ERN1: variants seen among roughly 807,000 people sequenced by gnomAD.
ERN1 encodes serine/threonine-protein kinase/endoribonuclease IRE1.
In ERN1, 39 loss-of-function variants were observed where a neutral mutation model predicts 113.1. That is an observed-to-expected ratio of 0.34 (90% CI 0.27 to 0.45). The LOEUF (loss-of-function observed/expected upper bound fraction) is 0.45. ERN1 is among the 20% of genes least tolerant of loss of function. The pLI is 1.00. For missense variants in ERN1, 976 were observed against 1,274.8 expected (o/e 0.77, Z 3.57); for synonymous variants, 507 against 515.9 (o/e 0.98, Z 0.23).
In ERN1 at chr17:64,113,129, G is replaced by A. The variant is rs75849902; in HGVS notation, c.55-14888C>T. ...CAGTTACTGGTTAGTTGGTTCCCTG[G>A]CTATCTAGTTACCAGTGCGGCATCA... On this transcript the variant is annotated intron_variant, in intron 1 of 21. Transcript: ENST00000433197. 6.8e-3 allele frequency among the ~76,000 whole-genome samples: 1,032 copies of A among 152,242 alleles called. 9 individuals carry two copies. The highest frequency in any genetic ancestry group is 0.024 in the African/African-American group (991 of 41,534).
At chr17:64,108,088 G>A (rs1914577031) in intron 1 of ERN1, among the ~76,000 whole-genome samples, 1 of 149,414 alleles carries the variant, frequency 6.7e-6, no homozygotes, top group Admixed American at 6.6e-5. Flanking sequence ...AAGCAGCTGA[G>A]AGAGTTAAAC....
rs1161074371 is a variant in ERN1 at position 64,125,839 on chromosome 17, A to G, written c.54+4137T>C. On this transcript the variant is annotated intron_variant, in intron 1 of 21. Coordinates refer to ENST00000433197, the MANE Select transcript of ERN1 (RefSeq NM_001433.5). ...GATGATGGTTTACTAAGGTGCTACT[A>G]AAGTGACAAATGTGATGGTGTACTC... Among the ~76,000 whole-genome samples, 4 of 152,200 alleles carry G rather than the reference A, an allele frequency of 2.6e-5. No homozygotes were observed. In the South Asian group the frequency reaches 8.3e-4, roughly 32 times the overall value.
intron 1 of ERN1, among the ~76,000 whole-genome samples, chr17:64,112,916 T>G (rs1914712247): frequency 6.6e-6 from 1 of 152,168 alleles, no homozygotes; most frequent in Non-Finnish European, 1.5e-5. Flanking sequence ...CAAGAGATCA[T>G]CAATGCTGGA....
At chr17:64,093,019 C>T (rs559654449) in intron 2 of ERN1, among the ~76,000 whole-genome samples, 4 of 152,146 alleles carry the variant, frequency 2.6e-5, no homozygotes, top group South Asian at 2.1e-4. Flanking sequence ...GAAAACAAAA[C>T]GCATTTTCTC....
chr17:64,061,693 G>C (rs528715061), intron 10 of ERN1, among the ~76,000 whole-genome samples: 5 of 152,330 alleles, frequency 3.3e-5, no homozygotes, highest in South Asian at 2.1e-4. Flanking sequence ...TTCTCCACTT[G>C]TGGTCTGCCC....
At chr17:64,077,376 C>G (rs182895345) in intron 4 of ERN1, among the ~76,000 whole-genome samples, 82 of 152,196 alleles carry the variant, frequency 5.4e-4, no homozygotes, top group African/African-American at 1.9e-3. Context: ...AACATACCCA[C>G]GTAACCGGCA....
chr17:64,069,661 T>C (rs1913347599), intron 6 of ERN1, among the ~76,000 whole-genome samples: 1 of 152,206 alleles, frequency 6.6e-6, no homozygotes, highest in East Asian at 1.9e-4. Context: ...CCTGCCCTTT[T>C]TTGAGTGAAC....
Position 64,098,186 on chromosome 17 carries a change from G to A in ERN1, c.110C>T (p.Thr37Met). ...GACAGCATGCAAACTTCCATCCAGCGTTGACACAAACAACAAGGTTTCAGG... is the reference window on the plus strand; with the variant it reads ...GACAGCATGCAAACTTCCATCCAGCATTGACACAAACAACAAGGTTTCAGG... ...TLPETLLFVSTLDGSLHAVSK... is the reference protein window; with the variant it reads ...TLPETLLFVSMLDGSLHAVSK... Residue 37 changes from threonine (T) to methionine (M), a missense_variant, in exon 2 of 22, where the codon ACG (threonine) becomes ATG (methionine). By Grantham distance (81) the Thr-to-Met change is moderately conservative. This residue lies in a region of ERN1 where 459 missense variants were observed against 581.2 expected (regional missense o/e 0.79). Coordinates refer to ENST00000433197, the MANE Select transcript of ERN1 (RefSeq NM_001433.5). The A allele has an allele frequency of 5.6e-6, 9 of 1,613,844 alleles. No individual in the cohort carries two copies. Among genetic ancestry groups the A allele is most frequent in the East Asian group, 2.2e-5 (1 of 44,884 alleles).
chr17:64,105,863 G>A (rs192496034), intron 1 of ERN1, among the ~76,000 whole-genome samples: 3 of 152,028 alleles, frequency 2.0e-5, no homozygotes, highest in South Asian at 2.1e-4. Flanking sequence ...GCTGAGGCAG[G>A]AGAATCGATT....
intron 2 of ERN1, among the ~76,000 whole-genome samples, chr17:64,083,234 T>C (rs1298177121): frequency 1.3e-5 from 2 of 152,126 alleles, no homozygotes; most frequent in Non-Finnish European, 2.9e-5. Flanking sequence ...TCTGTACATA[T>C]GGTTAAATTT....
intron 2 of ERN1, among the ~76,000 whole-genome samples, chr17:64,095,410 C>T (rs1157527753): frequency 1.3e-5 from 2 of 152,172 alleles, no homozygotes; most frequent in African/African-American, 4.8e-5. Context: ...GCCTGGGCAA[C>T]AGAGGGAAAC....
At chr17:64,098,006 T>C (rs1401683833) in intron 2 of ERN1, 115 bp downstream of exon 2, 4 of 1,342,682 alleles carry the variant, frequency 3.0e-6, no homozygotes, top group East Asian at 4.9e-5. Flanking sequence ...CATTCTTCTT[T>C]ATTTCTTATT....
intron 2 of ERN1, among the ~76,000 whole-genome samples, chr17:64,087,432 G>A (rs1304195015): frequency 2.0e-5 from 3 of 152,158 alleles, no homozygotes; most frequent in Admixed American, 1.3e-4. Flanking sequence ...CTGCTCCTCA[G>A]TTCACATTCC....
intron 18 of ERN1, among the ~76,000 whole-genome samples, chr17:64,048,251 G>A (rs1912574528): frequency 6.6e-6 from 1 of 152,214 alleles, no homozygotes; most frequent in Admixed American, 6.5e-5. Flanking sequence ...GCCATGAGCT[G>A]TTAAAGTGCG....
intron 4 of ERN1, among the ~76,000 whole-genome samples, chr17:64,077,322 A>G (rs1018598699): frequency 1.7e-4 from 26 of 152,226 alleles, no homozygotes; most frequent in African/African-American, 6.0e-4. Flanking sequence ...ACGCAAACAG[A>G]AAAGCACTCA....
intron 5 of ERN1, among the ~76,000 whole-genome samples, chr17:64,072,470 C>T (rs1477257890): frequency 6.6e-6 from 1 of 152,220 alleles, no homozygotes; most frequent in Non-Finnish European, 1.5e-5. Flanking sequence ...TATAGAAATA[C>T]AGAAATGTGC....
chr17:64,081,576 G>A (rs936671776), intron 2 of ERN1, among the ~76,000 whole-genome samples: 2 of 152,152 alleles, frequency 1.3e-5, no homozygotes, highest in Non-Finnish European at 2.9e-5. Flanking sequence ...TGTACATAGA[G>A]TATTAATGCA....
chr17:64,043,236 G>A lies in ERN1; in HGVS notation c.*752C>T, dbSNP rs1912395963. ...CAGGCGCTCCTGAGCACCACCCCGA[G>A]ATGGCCCGGGACACACCCACCAAAG... On this transcript the variant is annotated 3_prime_UTR_variant, in exon 22 of 22. Transcript: ENST00000433197. 6.5e-6 allele frequency: 1 copy of A among 152,854 alleles called. No individual in the cohort carries two copies. The highest frequency in any genetic ancestry group is 1.5e-5 in the Non-Finnish European group (1 of 68,464). The allele number at this position is 152,854 out of a possible 1,614,324, so 9.5% of individuals were successfully genotyped here.
chr17:64,092,129 G>A (rs891876818), intron 2 of ERN1, among the ~76,000 whole-genome samples: 1 of 152,124 alleles, frequency 6.6e-6, no homozygotes, highest in African/African-American at 2.4e-5. Flanking sequence ...GGAGGCTGCT[G>A]CATTCACCTA....
Sources: allele counts gnomAD v4.1 joint callset (sites outside exome capture counted in the v4.1 genomes callset), GRCh38; gene constraint gnomAD v4.1.1; regional missense constraint gnomAD v4.1.1; transcripts MANE v1.5; gene names NCBI Gene and HGNC (gene_info 2026-07-23, HGNC 2026-07-21).